SHANK2: variants seen among roughly 807,000 people sequenced by gnomAD.
The protein encoded by SHANK2 is SH3 and multiple ankyrin repeat domains 2, also known as SH3 and multiple ankyrin repeat domains protein 2.
SHANK2 carries 43 observed loss-of-function variants against 133.7 expected under a neutral mutation model. The observed-to-expected ratio is 0.32, with a 90% confidence interval of 0.25 to 0.41. The LOEUF is 0.41. SHANK2 is among the 10% of genes least tolerant of loss of function. SHANK2 has a pLI of 1.00. For synonymous variants in SHANK2, 1,017 were observed against 952.8 expected, an observed-to-expected ratio of 1.07 and a Z score of -1.24; for missense variants, 1,994 against 2,235.8, an observed-to-expected ratio of 0.89 and a Z score of 2.18.
intron 17 of SHANK2, among the ~76,000 whole-genome samples, chr11:70,606,746 T>G (rs2136355235): frequency 6.6e-6 from 1 of 152,280 alleles, no homozygotes; most frequent in South Asian, 2.1e-4. Context: ...CAAGATGGAA[T>G]GGACCGTCTG....
At chr11:70,653,058 C>T (rs749107354) in intron 17 of SHANK2, among the ~76,000 whole-genome samples, 11 of 152,010 alleles carry the variant, frequency 7.2e-5, no homozygotes, top group Non-Finnish European at 1.2e-4. Flanking sequence ...CTGCAAGCTC[C>T]GCCTCCCAGG....
rs189041576 is a variant in SHANK2, at chr11:70,607,933, G to A, written c.2061+51895C>T. ...AATCTGGTTCCAGCTCCATCCTTGCGTTCCTGTGGGGCAGCATGAGCAGCT... is the reference window on the plus strand; with the variant it reads ...AATCTGGTTCCAGCTCCATCCTTGCATTCCTGTGGGGCAGCATGAGCAGCT... On this transcript the variant is annotated intron_variant, in intron 17 of 25. Transcript: ENST00000601538. 5.3e-4 allele frequency among the ~76,000 whole-genome samples: 80 copies of A among 152,304 alleles called. 1 individual carries two copies. Among genetic ancestry groups the A allele is most frequent in the Non-Finnish European group, 7.2e-4 (49 of 68,010 alleles).
intron 12 of SHANK2, among the ~76,000 whole-genome samples, chr11:70,818,477 C>A (rs1327462204): frequency 2.6e-5 from 4 of 152,210 alleles, no homozygotes; most frequent in Non-Finnish European, 5.9e-5. Flanking sequence ...AAGTCCCTGG[C>A]CACGCTGCCT....
At chr11:70,876,920 G>A (rs1555071452) in intron 11 of SHANK2, among the ~76,000 whole-genome samples, 1 of 152,186 alleles carries the variant, frequency 6.6e-6, no homozygotes, top group African/African-American at 2.4e-5. Context: ...GGGCCATCTG[G>A]ACACTGGCCA....
rs182759594 is a variant in SHANK2 at position 71,179,147 on chromosome 11, A to G, written c.-12-31809T>C. Among the ~76,000 whole-genome samples the G allele has an allele frequency of 2.8e-4, 42 of 152,354 alleles. 1 individual carries two copies. Among genetic ancestry groups the G allele is most frequent in the Admixed American group, 2.7e-3 (41 of 15,300 alleles). Reference sequence around the variant, plus strand: ...GATACGAAAAAGAAAACACAGACCAACATTCTTCATGAACACAGATGCAAA... The same window carrying G: ...GATACGAAAAAGAAAACACAGACCAGCATTCTTCATGAACACAGATGCAAA... On this transcript the variant is annotated intron_variant, in intron 2 of 25. Transcript: ENST00000601538.
At chr11:71,085,734 AT>A (rs1951386326) in intron 8 of SHANK2, among the ~76,000 whole-genome samples, 5 of 72,624 alleles carry the variant, frequency 6.9e-5, no homozygotes, top group African/African-American at 1.1e-4. Context: ...ATAAAATATA[AT>A]ATATTATATA....
intron 15 of SHANK2, among the ~76,000 whole-genome samples, chr11:70,676,236 G>A (rs757129876): frequency 2.0e-5 from 3 of 152,184 alleles, no homozygotes; most frequent in East Asian, 1.9e-4. Flanking sequence ...CTGCTGCAGC[G>A]ACTGGAAAAG....
At chr11:70,907,686 C>A in intron 10 of SHANK2, 1 of 227,462 alleles carries the variant, frequency 4.4e-6, no homozygotes, top group Non-Finnish European at 9.1e-6. Flanking sequence ...AAATATAATT[C>A]ATCGCATTAG....
intron 17 of SHANK2, among the ~76,000 whole-genome samples, chr11:70,628,292 AGGTT>A (rs2136503970): frequency 6.6e-6 from 1 of 152,282 alleles, no homozygotes; most frequent in East Asian, 1.9e-4. Context: ...CAGGATCCAC[AGGTT>A]AGGCTGGGAG....
At chr11:70,611,104 T>C (rs2060651534) in intron 17 of SHANK2, among the ~76,000 whole-genome samples, 1 of 152,196 alleles carries the variant, frequency 6.6e-6, no homozygotes, top group Non-Finnish European at 1.5e-5. Flanking sequence ...AAGAATTGCC[T>C]TTTCACATGT....
Position 70,890,961 on chromosome 11 carries a change from G to T in SHANK2, c.1174+5540C>A, listed in dbSNP as rs1431370128. The stretch of plus-strand genomic sequence containing the variant: ...CCTGGGTGACAGAGTGATAGACTCC[G>T]CCTCAAAAAAAAAAAAAAGAGTTGT... On this transcript the variant is annotated intron_variant, in intron 11 of 25. Transcript: ENST00000601538. 4.0e-5 allele frequency among the ~76,000 whole-genome samples: 6 copies of T among 148,556 alleles called. No homozygotes were observed. In the East Asian group the frequency reaches 1.2e-3, roughly 30 times the overall value.
intron 4 of SHANK2, 57 bp downstream of exon 4, chr11:71,118,772 C>T (rs1272789857): frequency 1.4e-6 from 2 of 1,416,622 alleles, no homozygotes; most frequent in South Asian, 1.5e-5. Flanking sequence ...CCCCCACCCA[C>T]CATGGCATCC....
chr11:71,168,399 C>T lies in SHANK2; in HGVS notation c.-12-21061G>A, dbSNP rs1489407369. On this transcript the variant is annotated intron_variant, in intron 2 of 25. Coordinates refer to ENST00000601538, the MANE Select transcript of SHANK2 (RefSeq NM_012309.5). Reference sequence around the variant, plus strand: ...CAGACGATGGGCGGCCGGGCAGAGACGCTCCTCACTTCCCAGACGGGGTGG... The same window carrying T: ...CAGACGATGGGCGGCCGGGCAGAGATGCTCCTCACTTCCCAGACGGGGTGG... Among the ~76,000 whole-genome samples the T allele has an allele frequency of 6.8e-3, 1,022 of 149,206 alleles. 9 individuals are homozygous for T. Among genetic ancestry groups the T allele is most frequent in the African/African-American group, 0.024 (965 of 40,028 alleles).
intron 14 of SHANK2, among the ~76,000 whole-genome samples, chr11:70,714,095 A>G (rs1945857530): frequency 6.6e-6 from 1 of 152,174 alleles, no homozygotes; most frequent in Non-Finnish European, 1.5e-5. Flanking sequence ...GGCCAATGAG[A>G]CAGGAGCAGG....
chr11:71,240,651 G>A (rs1954878088), intron 1 of SHANK2: 1 of 152,258 alleles, frequency 6.6e-6, no homozygotes, highest in Non-Finnish European at 1.5e-5. Flanking sequence ...AAAATGGGCT[G>A]GGCATGGGGG....
intron 6 of SHANK2, among the ~76,000 whole-genome samples, chr11:71,103,016 G>A (rs1019855174): frequency 2.6e-5 from 4 of 152,240 alleles, no homozygotes; most frequent in East Asian, 3.8e-4. Context: ...AAAGTGGAAG[G>A]AGCGAGGGAG....
At chr11:70,695,650 C>T (rs1163195422) in intron 15 of SHANK2, among the ~76,000 whole-genome samples, 3 of 152,338 alleles carry the variant, frequency 2.0e-5, no homozygotes, top group African/African-American at 7.2e-5. Flanking sequence ...CATACTCAGG[C>T]TCAGATGCTC....
chr11:70,589,846 G>C (rs1410506920), intron 17 of SHANK2, among the ~76,000 whole-genome samples: 2 of 152,120 alleles, frequency 1.3e-5, no homozygotes, highest in Non-Finnish European at 2.9e-5. Flanking sequence ...GGAAACAGCA[G>C]AAGAACTAGA....
At chr11:70,494,091 A>G (rs1555156566) in intron 21 of SHANK2, among the ~76,000 whole-genome samples, 1 of 152,148 alleles carries the variant, frequency 6.6e-6, no homozygotes, top group Non-Finnish European at 1.5e-5. Flanking sequence ...GGTCCCCACA[A>G]GAGGAAGTTT....
Sources: allele counts gnomAD v4.1 joint callset (sites outside exome capture counted in the v4.1 genomes callset), GRCh38; gene constraint gnomAD v4.1.1; transcripts MANE v1.5; gene names NCBI Gene and HGNC (gene_info 2026-07-23, HGNC 2026-07-21).